Variants in RANBP2 observed in about 807,000 individuals in gnomAD.
The protein encoded by RANBP2 is E3 SUMO-protein ligase RanBP2.
Under a neutral mutation model 303.6 loss-of-function variants are expected in RANBP2, and 57 were observed. The ratio of observed to expected loss-of-function variants is 0.19; its 90% CI spans 0.15 to 0.23. The LOEUF (loss-of-function observed/expected upper bound fraction) is 0.23. RANBP2 is among the 10% of genes least tolerant of loss of function. The pLI is 1.00. For synonymous variants in RANBP2, 1,167 were observed against 1,301.5 expected, an observed-to-expected ratio of 0.90 and a Z score of 2.23; for missense variants, 3,138 against 3,780.8, an observed-to-expected ratio of 0.83 and a Z score of 4.46.
chr2:108,793,450 A>T, the RANBP2 span, among the ~76,000 whole-genome samples: 1 of 152,198 alleles, frequency 6.6e-6, no homozygotes, highest in Non-Finnish European at 1.5e-5. Context: ...AGCAAGAGGA[A>T]CTCACCTACT....
the RANBP2 span, chr2:109,564,154 T>A: frequency 2.4e-6 from 1 of 408,946 alleles, no homozygotes. Context: ...TAACTCTTTT[T>A]GAGTCAGACA....
chr2:108,741,619 C>T (rs1462861367), intron 7 of RANBP2, among the ~76,000 whole-genome samples: 2 of 147,814 alleles, frequency 1.4e-5, no homozygotes, highest in South Asian at 2.2e-4. Flanking sequence ...CATTTTCCTG[C>T]CTCAGCCTCC....
chr2:109,452,175 A>T, the RANBP2 span, among the ~76,000 whole-genome samples: 1 of 152,244 alleles, frequency 6.6e-6, no homozygotes, highest in African/African-American at 2.4e-5. Context: ...AATGATGGTC[A>T]TTTTAGTCCA....
At chr2:108,887,744 A>T in the RANBP2 span, among the ~76,000 whole-genome samples, 7 of 152,176 alleles carry the variant, frequency 4.6e-5, no homozygotes, top group Non-Finnish European at 1.5e-5. Flanking sequence ...AACTTTACTC[A>T]ATTTATTTAT....
the RANBP2 span, among the ~76,000 whole-genome samples, chr2:109,592,520 C>T: frequency 1.3e-5 from 2 of 150,932 alleles, no homozygotes; most frequent in East Asian, 4.0e-4. Context: ...GCGCAGTGGC[C>T]TGTAATCCTA....
the RANBP2 span, among the ~76,000 whole-genome samples, chr2:109,562,370 GC>G: frequency 6.7e-6 from 1 of 148,930 alleles, no homozygotes; most frequent in Non-Finnish European, 1.5e-5. Flanking sequence ...ACTTCCACCT[GC>G]CCCCCTCCCC....
the RANBP2 span, among the ~76,000 whole-genome samples, chr2:109,058,136 G>A: frequency 1.2e-4 from 18 of 152,274 alleles, no homozygotes; most frequent in African/African-American, 3.4e-4. Flanking sequence ...CCGTGGGCTC[G>A]CACTGTCCCT....
chr2:109,097,080 C>A, the RANBP2 span, among the ~76,000 whole-genome samples: 1 of 152,048 alleles, frequency 6.6e-6, no homozygotes, highest in Non-Finnish European at 1.5e-5. Context: ...CCGAGGTGGG[C>A]GGATCATGAG....
chr2:108,816,879 T>C, the RANBP2 span, among the ~76,000 whole-genome samples: 1 of 152,184 alleles, frequency 6.6e-6, no homozygotes, highest in African/African-American at 2.4e-5. Context: ...AAAATTTTTG[T>C]AGAGATCAGA....
chr2:109,634,068 C>T, the RANBP2 span, among the ~76,000 whole-genome samples: 1 of 135,408 alleles, frequency 7.4e-6, no homozygotes, highest in Non-Finnish European at 1.5e-5. Flanking sequence ...TGCAGTGAGC[C>T]GAGGTCGCGC....
chr2:109,556,787 C>T, the RANBP2 span, among the ~76,000 whole-genome samples: 388 of 152,146 alleles, frequency 2.6e-3, 2 homozygotes, highest in Non-Finnish European at 4.5e-3. Flanking sequence ...ATCTTGAATT[C>T]AGACTGGATT....
At chr2:108,989,985 A>G in the RANBP2 span, among the ~76,000 whole-genome samples, 1 of 152,136 alleles carries the variant, frequency 6.6e-6, no homozygotes, top group Admixed American at 6.5e-5. Context: ...TAACTCACAC[A>G]TGAGAAAGTA....
the RANBP2 span, among the ~76,000 whole-genome samples, chr2:109,646,340 A>C: frequency 1.3e-5 from 2 of 152,174 alleles, no homozygotes; most frequent in African/African-American, 2.4e-5. Context: ...ATATTTTAAA[A>C]AATTAAATGA....
At chr2:108,889,412 T>A in the RANBP2 span, among the ~76,000 whole-genome samples, 5 of 152,188 alleles carry the variant, frequency 3.3e-5, no homozygotes, top group African/African-American at 1.2e-4. Flanking sequence ...TGTTATTGTA[T>A]TGCATCTATC....
the RANBP2 span, among the ~76,000 whole-genome samples, chr2:108,988,806 G>A: frequency 4.6e-5 from 7 of 152,320 alleles, no homozygotes; most frequent in African/African-American, 1.2e-4. Flanking sequence ...AACTGGTAGC[G>A]CAGACATACT....
the RANBP2 span, among the ~76,000 whole-genome samples, chr2:109,671,392 C>T: frequency 2.0e-5 from 3 of 152,136 alleles, no homozygotes; most frequent in Non-Finnish European, 2.9e-5. Context: ...GTATTGGCAT[C>T]AGTGCCAGTG....
the RANBP2 span, among the ~76,000 whole-genome samples, chr2:109,245,138 G>C: frequency 1.3e-5 from 2 of 152,116 alleles, no homozygotes; most frequent in Admixed American, 6.5e-5. Context: ...ACCATCTCAC[G>C]GGAAGCTCCC....
the RANBP2 span, among the ~76,000 whole-genome samples, chr2:109,555,925 GA>G: frequency 1.3e-5 from 2 of 152,114 alleles, no homozygotes; most frequent in Non-Finnish European, 2.9e-5. Context: ...TCCCCAGTTA[GA>G]ATTAACTGTT....
At chr2:109,695,783 G>A in the RANBP2 span, among the ~76,000 whole-genome samples, 1 of 152,130 alleles carries the variant, frequency 6.6e-6, no homozygotes, top group Non-Finnish European at 1.5e-5. Context: ...ACTGCTGGGG[G>A]CAGTTTTTCC....
Sources: allele counts gnomAD v4.1 joint callset (sites outside exome capture counted in the v4.1 genomes callset), GRCh38; gene constraint gnomAD v4.1.1; transcripts MANE v1.5; gene names NCBI Gene and HGNC (gene_info 2026-07-23, HGNC 2026-07-21).